Variants in ZNF704 observed in about 807,000 individuals in gnomAD.
ZNF704 encodes glucocorticoid induced gene 1.
A neutral mutation model predicts 44.7 loss-of-function variants in ZNF704; 10 were observed. The ratio of observed to expected loss-of-function variants is 0.22; its 90% CI spans 0.14 to 0.38. The LOEUF (loss-of-function observed/expected upper bound fraction) is 0.38. Ranked by LOEUF, ZNF704 falls within the 10% of genes least tolerant of loss-of-function variation. The pLI is 1.00. For synonymous variants in ZNF704, 211 were observed against 207.6 expected, an observed-to-expected ratio of 1.02 and a Z score of -0.14; for missense variants, 390 against 545.5, an observed-to-expected ratio of 0.71 and a Z score of 2.84.
chr8:80,672,729 A>G (rs532277467), intron 4 of ZNF704, among the ~76,000 whole-genome samples: 1 of 152,282 alleles, frequency 6.6e-6, no homozygotes, highest in South Asian at 2.1e-4. Context: ...ATGGACATAA[A>G]GATGGAAATA....
At chr8:80,792,922 C>A (rs1426182318) in intron 2 of ZNF704, among the ~76,000 whole-genome samples, 1 of 152,230 alleles carries the variant, frequency 6.6e-6, no homozygotes, top group Non-Finnish European at 1.5e-5. Flanking sequence ...AAGCCATGCC[C>A]AGATTCCTGA....
At chr8:80,719,270 C>T (rs1668819484) in intron 2 of ZNF704, among the ~76,000 whole-genome samples, 1 of 152,038 alleles carries the variant, frequency 6.6e-6, no homozygotes, top group African/African-American at 2.4e-5. Flanking sequence ...GCCATCTATA[C>T]ATTTTTGTTG....
At chr8:80,746,610 T>C (rs769150222) in intron 2 of ZNF704, among the ~76,000 whole-genome samples, 7 of 152,168 alleles carry the variant, frequency 4.6e-5, no homozygotes, top group Admixed American at 2.0e-4. Flanking sequence ...TACACTAAGT[T>C]TGGCAGCACA....
At chr8:80,725,740 T>C (rs1806468389) in intron 2 of ZNF704, among the ~76,000 whole-genome samples, 1 of 152,114 alleles carries the variant, frequency 6.6e-6, no homozygotes, top group South Asian at 2.1e-4. Context: ...CTAGCTCATG[T>C]CTCCCTGGGG....
intron 2 of ZNF704, among the ~76,000 whole-genome samples, chr8:80,708,847 T>C (rs528607833): frequency 6.6e-6 from 1 of 152,296 alleles, no homozygotes; most frequent in East Asian, 1.9e-4. Context: ...TTTCCTTTTT[T>C]TTTTTGTTTT....
chr8:80,855,125 C>A (rs548922746), intron 1 of ZNF704, among the ~76,000 whole-genome samples: 1 of 152,082 alleles, frequency 6.6e-6, no homozygotes, highest in South Asian at 2.1e-4. Flanking sequence ...CTTTCTTGTT[C>A]AATAGTATAT....
chr8:80,761,138 T>C (rs1807123707), intron 2 of ZNF704, among the ~76,000 whole-genome samples: 1 of 152,142 alleles, frequency 6.6e-6, no homozygotes, highest in South Asian at 2.1e-4. Context: ...CCTCTTGCCC[T>C]TCCACTCTTC....
At chr8:80,866,805 CTG>C (rs1260897763) in intron 1 of ZNF704, among the ~76,000 whole-genome samples, 1 of 152,092 alleles carries the variant, frequency 6.6e-6, no homozygotes, top group African/African-American at 2.4e-5. Flanking sequence ...CTCTCTCAGG[CTG>C]TGTTAGATGG....
At chr8:80,873,252 T>TG (rs1321585574) in intron 1 of ZNF704, among the ~76,000 whole-genome samples, 3 of 151,974 alleles carry the variant, frequency 2.0e-5, no homozygotes, top group African/African-American at 7.2e-5. Flanking sequence ...CCCACCTCAC[T>TG]GGGGAGAAGC....
chr8:80,822,699 C>A (rs1014002867), intron 1 of ZNF704, among the ~76,000 whole-genome samples: 2 of 152,168 alleles, frequency 1.3e-5, no homozygotes, highest in African/African-American at 4.8e-5. Flanking sequence ...CACATCCTCT[C>A]CAGCACCTGT....
rs781579436 is a variant in ZNF704 at position 80,729,855 on chromosome 8, C to T, written c.222-36748G>A. Among the ~76,000 whole-genome samples the T allele has an allele frequency of 2.0e-5, 3 of 152,158 alleles. No homozygotes were observed. The South Asian group carries it at 6.2e-4, about 32-fold the overall frequency. On this transcript the variant is annotated intron_variant, in intron 2 of 8. Coordinates refer to ENST00000327835, the MANE Select transcript of ZNF704 (RefSeq NM_001033723.3). ...CTGAATAGGTATAACGAAATCTCAC[C>T]CAAGGTGAATAGAGTTTGATTACTG...
intron 1 of ZNF704, among the ~76,000 whole-genome samples, chr8:80,868,187 T>C (rs76486609): frequency 1.3e-5 from 2 of 152,208 alleles, no homozygotes; most frequent in African/African-American, 4.8e-5. Context: ...ATGTTCCTTA[T>C]ACAGGCGCCC....
intron 1 of ZNF704, among the ~76,000 whole-genome samples, chr8:80,831,055 A>G (rs945727885): frequency 7.9e-5 from 12 of 152,062 alleles, no homozygotes; most frequent in African/African-American, 2.9e-4. Context: ...CACCCGGCCT[A>G]GAGGGTGTAT....
intron 2 of ZNF704, among the ~76,000 whole-genome samples, chr8:80,790,700 G>A (rs1490412776): frequency 6.6e-6 from 1 of 152,114 alleles, no homozygotes; most frequent in African/African-American, 2.4e-5. Flanking sequence ...GGGTGAGATG[G>A]TGACACACAG....
chr8:80,849,128 C>A (rs1808816591), intron 1 of ZNF704, among the ~76,000 whole-genome samples: 1 of 152,162 alleles, frequency 6.6e-6, no homozygotes, highest in South Asian at 2.1e-4. Context: ...ACGATTCTAT[C>A]TTAAATATAA....
At chr8:80,756,727 T>C (rs1035007764) in intron 2 of ZNF704, among the ~76,000 whole-genome samples, 4 of 152,244 alleles carry the variant, frequency 2.6e-5, no homozygotes, top group Non-Finnish European at 5.9e-5. Flanking sequence ...TCTGGCATCA[T>C]CATATGTAAT....
At chr8:80,771,389 A>G (rs1807317359) in intron 2 of ZNF704, among the ~76,000 whole-genome samples, 2 of 152,078 alleles carry the variant, frequency 1.3e-5, no homozygotes, top group Admixed American at 1.3e-4. Context: ...TCAGTTTTAC[A>G]GTTTTTAGCA....
the ZNF704 span, among the ~76,000 whole-genome samples, chr8:80,884,149 C>T: frequency 2.0e-5 from 3 of 152,140 alleles, no homozygotes; most frequent in South Asian, 4.1e-4. Flanking sequence ...AAAAATTCCT[C>T]GGTACTTACC....
chr8:80,701,670 T>A (rs368434415), intron 2 of ZNF704, among the ~76,000 whole-genome samples: 2 of 152,122 alleles, frequency 1.3e-5, no homozygotes, highest in African/African-American at 4.8e-5. Context: ...GTCCAGTGAT[T>A]ACAGATACAA....
Sources: allele counts gnomAD v4.1 joint callset (sites outside exome capture counted in the v4.1 genomes callset), GRCh38; gene constraint gnomAD v4.1.1; transcripts MANE v1.5; gene names NCBI Gene and HGNC (gene_info 2026-07-23, HGNC 2026-07-21).